The following MYBL2 variants were observed in gnomAD, a reference collection of about 807,000 sequenced individuals.
MYBL2 encodes MYB proto-oncogene like 2, also known as myb-related protein B.
Under a neutral mutation model 79.9 loss-of-function variants are expected in MYBL2, and 28 were observed. That is an observed-to-expected ratio of 0.35 (90% CI 0.26 to 0.48). The LOEUF is 0.48. Ranked by LOEUF, MYBL2 falls within the 20% of genes least tolerant of loss-of-function variation. The probability of loss-of-function intolerance (pLI) is 0.99; values close to 1 mark genes in which losing one functional copy is unlikely to be tolerated. For missense variants in MYBL2, 735 were observed against 893.9 expected (o/e 0.82, Z 2.27); for synonymous variants, 378 against 361.2 (o/e 1.05, Z -0.53).
intron 2 of MYBL2, among the ~76,000 whole-genome samples, chr20:43,675,089 C>A (rs1007919980): frequency 3.3e-5 from 5 of 151,980 alleles, no homozygotes; most frequent in Non-Finnish European, 7.4e-5. Flanking sequence ...AAGCAATCCT[C>A]CCCCGTCAGC....
chr20:43,684,774 T>C (rs547151), intron 4 of MYBL2, among the ~76,000 whole-genome samples: 139,573 of 149,680 alleles, frequency 0.93, 65,226 homozygotes, highest in African/African-American at 0.97. Context: ...GAGTTCGAGG[T>C]TACAGTGAGC....
At position 43,675,941 on chromosome 20, in the gene MYBL2, G is replaced by C. The variant is rs895506273; in HGVS notation, c.114+2042G>C. ...TTTTTTTTTAAGGCAGTCTCTCTCT[G>C]TTGCCCAGGCTGTAGTGCAGTGGTG... On this transcript the variant is annotated intron_variant, in intron 2 of 13. Coordinates refer to ENST00000217026, the MANE Select transcript of MYBL2 (RefSeq NM_002466.4). Among the ~76,000 whole-genome samples the C allele has an allele frequency of 2.8e-5, 4 of 145,392 alleles. No individual in the cohort carries two copies. The Admixed American group carries it at 2.8e-4, about 10-fold the overall frequency.
At chr20:43,677,418 T>A (rs184887420) in intron 2 of MYBL2, among the ~76,000 whole-genome samples, 10 of 152,298 alleles carry the variant, frequency 6.6e-5, no homozygotes, top group Non-Finnish European at 2.9e-5. Flanking sequence ...TTAAGGAAAC[T>A]TATGTGGAGA....
intron 1 of MYBL2, 56 bp downstream of exon 1, chr20:43,667,359 C>G (rs1986741888): frequency 8.6e-7 from 1 of 1,169,414 alleles, no homozygotes; most frequent in Admixed American, 4.3e-5. Flanking sequence ...TCACCCCTCC[C>G]CCACCCAGAT....
At chr20:43,697,063 T>C (rs953163634) in intron 6 of MYBL2, among the ~76,000 whole-genome samples, 2 of 152,212 alleles carry the variant, frequency 1.3e-5, no homozygotes, top group African/African-American at 2.4e-5. Flanking sequence ...GGTAAAATAG[T>C]GTGGACATTT....
At chr20:43,673,032 C>T (rs975311710) in intron 1 of MYBL2, among the ~76,000 whole-genome samples, 3 of 152,080 alleles carry the variant, frequency 2.0e-5, no homozygotes, top group African/African-American at 7.2e-5. Flanking sequence ...CAACCTTCAC[C>T]TCCCGGGTTC....
At chr20:43,704,862 C>T (rs1987745195) in intron 8 of MYBL2, among the ~76,000 whole-genome samples, 1 of 152,172 alleles carries the variant, frequency 6.6e-6, no homozygotes, top group African/African-American at 2.4e-5. Flanking sequence ...CTGTCACATG[C>T]CTTTTGCCTT....
intron 11 of MYBL2, among the ~76,000 whole-genome samples, chr20:43,712,007 AT>A (rs989258272): frequency 3.3e-4 from 50 of 151,928 alleles, no homozygotes; most frequent in African/African-American, 1.1e-3. Flanking sequence ...TTCCAAAGGA[AT>A]CTTTTGGGTG....
chr20:43,668,489 C>G (rs6065641), intron 1 of MYBL2, among the ~76,000 whole-genome samples: 7 of 152,170 alleles, frequency 4.6e-5, no homozygotes, highest in Admixed American at 2.6e-4. Context: ...CGTGAGCCAC[C>G]TTGCCCGGCC....
At chr20:43,703,668 G>A (rs181234715) in intron 8 of MYBL2, among the ~76,000 whole-genome samples, 1 of 152,178 alleles carries the variant, frequency 6.6e-6, no homozygotes, top group African/African-American at 2.4e-5. Context: ...CTCTCATTAG[G>A]TTTGTTCTTC....
At chr20:43,695,711 T>G (rs1183767795) in intron 6 of MYBL2, among the ~76,000 whole-genome samples, 1 of 149,026 alleles carries the variant, frequency 6.7e-6, no homozygotes, top group African/African-American at 2.5e-5. Flanking sequence ...GCTGGTGCGG[T>G]GGCACACACC....
At position 43,703,876 on chromosome 20, in the gene MYBL2, C is replaced by A. The variant is rs142119973; in HGVS notation, c.1365+973C>A. On this transcript the variant is annotated intron_variant, in intron 8 of 13. Transcript: ENST00000217026. Reference sequence around the variant, plus strand: ...GTTGGTTTCTACTGAGGCCTCTCTCCTTGGCTTGTAGATGCTGGCGGCTCC... The same window carrying A: ...GTTGGTTTCTACTGAGGCCTCTCTCATTGGCTTGTAGATGCTGGCGGCTCC... 9.0e-3 allele frequency among the ~76,000 whole-genome samples: 1,370 copies of A among 152,274 alleles called. 13 individuals are homozygous for A. Among genetic ancestry groups the A allele is most frequent in the Non-Finnish European group, 0.014 (962 of 68,026 alleles).
At position 43,669,975 on chromosome 20, in the gene MYBL2, G is replaced by A. The variant is rs139546991; in HGVS notation, c.20+2672G>A. On this transcript the variant is annotated intron_variant, in intron 1 of 13. Coordinates refer to ENST00000217026, the MANE Select transcript of MYBL2 (RefSeq NM_002466.4). ...AAAAATTAGCCGGGCGTGGTGGTAG[G>A]CGCCTGTAAGCGCGGCTATTCGGGA... is the stretch of plus-strand genomic sequence containing the variant. Among the ~76,000 whole-genome samples the A allele has an allele frequency of 2.2e-4, 33 of 152,322 alleles. No individual in the cohort carries two copies. The East Asian group carries it at 6.0e-3, about 28-fold the overall frequency.
intron 13 of MYBL2, among the ~76,000 whole-genome samples, chr20:43,715,739 T>G (rs543371436): frequency 6.6e-6 from 1 of 152,292 alleles, no homozygotes; most frequent in Non-Finnish European, 1.5e-5. Context: ...GGGCAGTGCA[T>G]GGCCATGTCT....
intron 2 of MYBL2, among the ~76,000 whole-genome samples, chr20:43,677,920 A>G (rs971298755): frequency 3.3e-5 from 5 of 152,194 alleles, no homozygotes; most frequent in Non-Finnish European, 5.9e-5. Flanking sequence ...CTGTGTAGAA[A>G]GAGGTAGACA....
intron 5 of MYBL2, among the ~76,000 whole-genome samples, chr20:43,687,950 T>G (rs1162982444): frequency 6.8e-6 from 1 of 147,024 alleles, no homozygotes; most frequent in Non-Finnish European, 1.5e-5. Context: ...AGGCAGAGGT[T>G]GCAGTGAGCC....
At chr20:43,669,773 A>G (rs985964043) in intron 1 of MYBL2, among the ~76,000 whole-genome samples, 1 of 152,172 alleles carries the variant, frequency 6.6e-6, no homozygotes, top group Non-Finnish European at 1.5e-5. Flanking sequence ...GCCAGCACAT[A>G]TGGTAAAGTA....
intron 7 of MYBL2, among the ~76,000 whole-genome samples, chr20:43,700,586 G>A (rs183191804): frequency 6.6e-6 from 1 of 152,066 alleles, no homozygotes; most frequent in Non-Finnish European, 1.5e-5. Context: ...TGGCTGCATC[G>A]GCCAGGCCTG....
intron 4 of MYBL2, among the ~76,000 whole-genome samples, chr20:43,683,177 AG>A (rs1987183500): frequency 6.6e-6 from 1 of 152,148 alleles, no homozygotes; most frequent in Non-Finnish European, 1.5e-5. Context: ...CGTTGTCATG[AG>A]AATTAAGCAG....
Sources: gnomAD v4.1 joint callset for allele counts (sites outside exome capture counted in the v4.1 genomes callset) on GRCh38, gnomAD v4.1.1 for gene constraint, MANE v1.5 for transcripts, NCBI Gene and HGNC (gene_info 2026-07-23, HGNC 2026-07-21) for gene names.